LRRC74A: variants seen among roughly 807,000 people sequenced by gnomAD.
The protein encoded by LRRC74A is leucine-rich repeat-containing protein 74A.
In LRRC74A, 44 loss-of-function variants were observed where a neutral mutation model predicts 57.9. The observed-to-expected ratio is 0.76, with a 90% CI of 0.60 to 0.98. The LOEUF (loss-of-function observed/expected upper bound fraction) is 0.98. LRRC74A is among the 50% of genes least tolerant of loss of function. The probability of loss-of-function intolerance (pLI) is 0.00; values close to 1 mark genes in which losing one functional copy is unlikely to be tolerated. For missense variants in LRRC74A, 572 were observed against 574.0 expected, an observed-to-expected ratio of 1.00 and a Z score of 0.04; for synonymous variants, 211 against 219.4, an observed-to-expected ratio of 0.96 and a Z score of 0.34.
intron 3 of LRRC74A, among the ~76,000 whole-genome samples, chr14:76,831,889 A>G (rs1896001747): frequency 6.6e-6 from 1 of 152,198 alleles, no homozygotes; most frequent in Non-Finnish European, 1.5e-5. Context: ...GGTATGACCA[A>G]ACAAGGACTT....
chr14:76,866,591 C>T (rs943086538), intron 12 of LRRC74A, among the ~76,000 whole-genome samples: 10 of 152,092 alleles, frequency 6.6e-5, no homozygotes, highest in African/African-American at 1.9e-4. Flanking sequence ...GAGAAGTTCC[C>T]GGGGCCCAGG....
At chr14:76,838,141 C>G (rs144016244) in intron 5 of LRRC74A, among the ~76,000 whole-genome samples, 170 bp downstream of exon 5, 2 of 152,082 alleles carry the variant, frequency 1.3e-5, no homozygotes, top group African/African-American at 2.4e-5. Flanking sequence ...CCCTAGCCCC[C>G]GCCATTTATC....
chr14:76,839,452 C>A (rs912776107), intron 5 of LRRC74A, among the ~76,000 whole-genome samples: 1 of 152,106 alleles, frequency 6.6e-6, no homozygotes, highest in African/African-American at 2.4e-5. Context: ...CAGTTTGTGC[C>A]TCATTTTCTC....
At chr14:76,869,112 TCCTCACCTGCCCCGTGCC>T (rs1899218126) in intron 13 of LRRC74A, among the ~76,000 whole-genome samples, 2 of 150,424 alleles carry the variant, frequency 1.3e-5, no homozygotes, top group Non-Finnish European at 3.0e-5. Context: ...GCCCCGTGCC[TCCTCACCTGCCCCGTGCC>T]TCCTCACCTG....
At chr14:76,867,831 CA>C (rs1595411297) in intron 13 of LRRC74A, among the ~76,000 whole-genome samples, 2 of 152,290 alleles carry the variant, frequency 1.3e-5, no homozygotes, top group East Asian at 3.9e-4. Flanking sequence ...CGGGAGGCGG[CA>C]ATGTTTCAGC....
intron 13 of LRRC74A, among the ~76,000 whole-genome samples, chr14:76,868,769 G>C (rs535921590): frequency 6.6e-6 from 1 of 152,286 alleles, no homozygotes; most frequent in African/African-American, 2.4e-5. Flanking sequence ...ACTCAGCGTC[G>C]TCCACGTGGA....
intron 12 of LRRC74A, among the ~76,000 whole-genome samples, chr14:76,867,009 G>T (rs1474582388): frequency 2.4e-5 from 1 of 42,094 alleles, no homozygotes. Context: ...GTAGTGTGGG[G>T]GGGTGTGTGT....
rs1039548881 is a variant in LRRC74A, at chr14:76,844,569, T to C, written c.594+97T>C. 13 of 1,274,658 alleles carry C rather than the reference T, an allele frequency of 1.0e-5. No individual in the cohort carries two copies. The East Asian group carries it at 2.2e-4, about 22-fold the overall frequency. The allele number at this position is 1,274,658 out of a possible 1,614,324, so 79.0% of individuals were successfully genotyped here. ...ATGGGCACAGTAACGTGAGGCTACT[T>C]TCACATGTTAGGGACTGGGGAGTGT... On this transcript the variant is annotated intron_variant, in intron 6 of 13. Coordinates refer to ENST00000689127, the MANE Select transcript of LRRC74A (RefSeq NM_001385106.1).
intron 2 of LRRC74A, chr14:76,828,718 G>C (rs1347242755): frequency 2.0e-6 from 1 of 496,400 alleles, no homozygotes; most frequent in Non-Finnish European, 3.9e-6. Context: ...ATGTTTCCAC[G>C]TGGGGCATCC....
chr14:76,831,493 T>C, intron 3 of LRRC74A, 118 bp downstream of exon 3: 3 of 1,077,452 alleles, frequency 2.8e-6, no homozygotes, highest in Non-Finnish European at 4.1e-6. Context: ...TATGCCCTTA[T>C]GCCACACTGC....
intron 10 of LRRC74A, among the ~76,000 whole-genome samples, chr14:76,858,852 G>T (rs1054206406): frequency 6.6e-6 from 1 of 152,160 alleles, no homozygotes; most frequent in Non-Finnish European, 1.5e-5. Flanking sequence ...GCCTCCCAAA[G>T]TGCTGGGATT....
Position 76,862,096 on chromosome 14 carries a change from C to T in LRRC74A, c.1200+1257C>T, listed in dbSNP as rs1388349886. 2.6e-5 allele frequency among the ~76,000 whole-genome samples: 4 copies of T among 152,272 alleles called. No homozygotes were observed. The East Asian group carries it at 7.7e-4, about 29-fold the overall frequency. ...GGAGCTGTCTGATGCAAAGTGGGGA[C>T]CCCACCTCTTGTTTTAAAGACACAC... is the stretch of plus-strand genomic sequence containing the variant. On this transcript the variant is annotated intron_variant, in intron 11 of 13. Transcript: ENST00000689127.
At position 76,844,323 on chromosome 14, in the gene LRRC74A, C is replaced by T. The variant is rs192874098; in HGVS notation, c.545-100C>T. 402 of 1,136,222 alleles carry T rather than the reference C, an allele frequency of 3.5e-4. 1 individual carries two copies. Among genetic ancestry groups the T allele is most frequent in the Non-Finnish European group, 8.1e-5 (63 of 774,864 alleles). The allele number at this position is 1,136,222 out of a possible 1,614,324, so 70.4% of individuals were successfully genotyped here. On this transcript the variant is annotated intron_variant, in intron 5 of 13. Coordinates refer to ENST00000689127, the MANE Select transcript of LRRC74A (RefSeq NM_001385106.1). ...TGGCCCCTACCACCTTTTTTCTGTT[C>T]GATTGTTCTAAAGGGAAGTGGACTG...
At chr14:76,841,739 G>A (rs1339082101) in intron 5 of LRRC74A, among the ~76,000 whole-genome samples, 1 of 132,890 alleles carries the variant, frequency 7.5e-6, no homozygotes, top group African/African-American at 2.9e-5. Context: ...TTTAGAAGGA[G>A]TTTCACTCTT....
At chr14:76,851,698 G>A (rs528795473) in intron 7 of LRRC74A, among the ~76,000 whole-genome samples, 23 of 133,334 alleles carry the variant, frequency 1.7e-4, no homozygotes, top group African/African-American at 5.2e-4. Flanking sequence ...ACAGAGTCTC[G>A]CTCTGTCGCC....
At chr14:76,868,835 C>T (rs199840258) in intron 13 of LRRC74A, among the ~76,000 whole-genome samples, 2 of 152,270 alleles carry the variant, frequency 1.3e-5, no homozygotes, top group Non-Finnish European at 2.9e-5. Context: ...CCCTGCTCTG[C>T]GGAACAAGGC....
intron 2 of LRRC74A, 36 bp from the exon 3 acceptor site, chr14:76,831,167 A>G: frequency 1.2e-6 from 2 of 1,608,952 alleles, no homozygotes; most frequent in Non-Finnish European, 1.7e-6. Context: ...GCAAAGGTGG[A>G]AGAGAAATCC....
chr14:76,862,747 C>T (rs1397954489), intron 11 of LRRC74A, among the ~76,000 whole-genome samples: 1 of 152,016 alleles, frequency 6.6e-6, no homozygotes, highest in Admixed American at 6.6e-5. Flanking sequence ...GAGGCTCCTG[C>T]CAGCAAAGGT....
chr14:76,863,730 G>A (rs964461067), intron 11 of LRRC74A, among the ~76,000 whole-genome samples: 3 of 152,216 alleles, frequency 2.0e-5, no homozygotes, highest in Non-Finnish European at 4.4e-5. Context: ...TAAGCACACG[G>A]GGGTTTATTA....
Sources: allele counts gnomAD v4.1 joint callset (sites outside exome capture counted in the v4.1 genomes callset), GRCh38; gene constraint gnomAD v4.1.1; transcripts MANE v1.5; gene names NCBI Gene and HGNC (gene_info 2026-07-23, HGNC 2026-07-21).